Variants in CACNA2D1 observed in about 807,000 individuals in gnomAD.
The protein encoded by CACNA2D1 is calcium voltage-gated channel auxiliary subunit alpha2delta 1.
CACNA2D1 carries 53 observed loss-of-function variants against 171.5 expected under a neutral mutation model. That is an observed-to-expected ratio of 0.31 (90% confidence interval 0.25 to 0.39). CACNA2D1 has a LOEUF of 0.39. Among genes scored for constraint, CACNA2D1 ranks in the 10% least tolerant of loss-of-function variants. The pLI is 1.00. For missense variants in CACNA2D1, 903 were observed against 1,299.8 expected (o/e 0.69, Z 4.69); for synonymous variants, 442 against 443.1 (o/e 1.00, Z 0.03).
At chr7:82,142,312 A>G (rs1400481753) in intron 4 of CACNA2D1, among the ~76,000 whole-genome samples, 1 of 152,228 alleles carries the variant, frequency 6.6e-6, no homozygotes, top group Non-Finnish European at 1.5e-5. Context: ...AACATCCCCT[A>G]GCAAGTTGAG....
intron 26 of CACNA2D1, chr7:81,970,950 A>G (rs1254381371): frequency 1.8e-6 from 1 of 549,974 alleles, no homozygotes; most frequent in Non-Finnish European, 3.3e-6. Context: ...ACTGAGGTGC[A>G]TTTTGAACAT....
intron 4 of CACNA2D1, among the ~76,000 whole-genome samples, chr7:82,159,998 A>T (rs181764045): frequency 1.0e-3 from 153 of 151,270 alleles, no homozygotes; most frequent in Middle Eastern, 3.4e-3. Context: ...AAGACACCAA[A>T]CAATCAAAAA....
intron 3 of CACNA2D1, among the ~76,000 whole-genome samples, chr7:82,192,933 T>C (rs1798487924): frequency 6.6e-6 from 1 of 151,972 alleles, no homozygotes; most frequent in Admixed American, 6.6e-5. Flanking sequence ...AATGATATTT[T>C]AGTCATAATT....
intron 1 of CACNA2D1, among the ~76,000 whole-genome samples, chr7:82,395,410 C>T (rs547774379): frequency 3.2e-4 from 48 of 152,258 alleles, no homozygotes; most frequent in African/African-American, 1.1e-3. Flanking sequence ...GGGTTATCCA[C>T]GGCATTCTGC....
chr7:82,407,507 A>C (rs1827186520), intron 1 of CACNA2D1, among the ~76,000 whole-genome samples: 1 of 152,210 alleles, frequency 6.6e-6, no homozygotes, highest in South Asian at 2.1e-4. Context: ...TGCTTGCTAA[A>C]ATTTTTGAAT....
At chr7:82,104,095 T>C (rs1292280939) in intron 6 of CACNA2D1, among the ~76,000 whole-genome samples, 2 of 152,018 alleles carry the variant, frequency 1.3e-5, no homozygotes, top group Non-Finnish European at 2.9e-5. Context: ...ATATTTGTGC[T>C]AAAAGAACCA....
At chr7:82,247,460 A>T (rs898094745) in intron 3 of CACNA2D1, among the ~76,000 whole-genome samples, 1 of 151,980 alleles carries the variant, frequency 6.6e-6, no homozygotes, top group Admixed American at 6.6e-5. Flanking sequence ...CAGTGAGCTG[A>T]CATCATACCC....
chr7:82,109,201 A>C (rs1023618951), intron 6 of CACNA2D1, among the ~76,000 whole-genome samples: 1 of 152,012 alleles, frequency 6.6e-6, no homozygotes, highest in African/African-American at 2.4e-5. Context: ...ATATATAATG[A>C]TGTACTTTCC....
At chr7:82,391,749 AT>A (rs1415160838) in intron 1 of CACNA2D1, among the ~76,000 whole-genome samples, 7 of 152,234 alleles carry the variant, frequency 4.6e-5, no homozygotes, top group African/African-American at 1.7e-4. Context: ...GAACTAAAAC[AT>A]CAACCAGAAA....
intron 1 of CACNA2D1, among the ~76,000 whole-genome samples, chr7:82,369,729 C>T (rs1012301924): frequency 1.3e-5 from 2 of 151,942 alleles, no homozygotes; most frequent in East Asian, 1.9e-4. Flanking sequence ...ATAGATATTT[C>T]ACCTTAGAAT....
At chr7:82,285,282 T>A (rs1291131156) in intron 3 of CACNA2D1, among the ~76,000 whole-genome samples, 1 of 151,830 alleles carries the variant, frequency 6.6e-6, no homozygotes, top group East Asian at 1.9e-4. Context: ...TGTTTTGTGG[T>A]AATGCCTCTC....
At chr7:82,258,110 G>A (rs1346200027) in intron 3 of CACNA2D1, among the ~76,000 whole-genome samples, 3 of 152,040 alleles carry the variant, frequency 2.0e-5, no homozygotes, top group Admixed American at 6.6e-5. Context: ...AGCTACAGGT[G>A]GATACAGATA....
intron 6 of CACNA2D1, among the ~76,000 whole-genome samples, chr7:82,114,559 A>G (rs1472756156): frequency 6.6e-6 from 1 of 152,118 alleles, no homozygotes. Flanking sequence ...CCTGGCCAAC[A>G]TGGTGAAACC....
At chr7:81,950,878 C>A (rs1562760704) in intron 38 of CACNA2D1, among the ~76,000 whole-genome samples, 1 of 151,872 alleles carries the variant, frequency 6.6e-6, no homozygotes, top group African/African-American at 2.4e-5. Context: ...TTATAATTCC[C>A]AAGAATTATG....
intron 11 of CACNA2D1, among the ~76,000 whole-genome samples, chr7:82,035,173 A>G (rs182726590): frequency 1.8e-3 from 269 of 152,238 alleles, no homozygotes; most frequent in African/African-American, 6.3e-3. Flanking sequence ...AGCATCTATC[A>G]TATATACACT....
chr7:82,036,991 G>A (rs934393211), intron 11 of CACNA2D1, among the ~76,000 whole-genome samples: 2 of 152,086 alleles, frequency 1.3e-5, no homozygotes, highest in Non-Finnish European at 2.9e-5. Flanking sequence ...AATTCTCTGA[G>A]GTACATGTCA....
chr7:82,088,965 A>G (rs1027925926), intron 6 of CACNA2D1, among the ~76,000 whole-genome samples: 1 of 151,972 alleles, frequency 6.6e-6, no homozygotes, highest in East Asian at 1.9e-4. Flanking sequence ...AACAGGGTTC[A>G]TGCTCCTATG....
At chr7:81,951,440 A>C (rs1792509444) in intron 38 of CACNA2D1, among the ~76,000 whole-genome samples, 1 of 151,968 alleles carries the variant, frequency 6.6e-6, no homozygotes, top group Non-Finnish European at 1.5e-5. Flanking sequence ...ATTTTGGTGC[A>C]CCTGTCACCC....
intron 11 of CACNA2D1, among the ~76,000 whole-genome samples, chr7:82,037,098 A>T (rs1803368718): frequency 6.6e-6 from 1 of 152,210 alleles, no homozygotes; most frequent in African/African-American, 2.4e-5. Flanking sequence ...AAGAAATAAA[A>T]TAATTGAACA....
Sources: allele counts gnomAD v4.1 joint callset (sites outside exome capture counted in the v4.1 genomes callset), GRCh38; gene constraint gnomAD v4.1.1; transcripts MANE v1.5; gene names NCBI Gene and HGNC (gene_info 2026-07-23, HGNC 2026-07-21).